MYO1D: variants seen among roughly 807,000 people sequenced by gnomAD.
MYO1D encodes myosin ID, also known as unconventional myosin-Id.
A neutral mutation model predicts 122.0 loss-of-function variants in MYO1D; 83 were observed. The ratio of observed to expected loss-of-function variants is 0.68; its 90% CI spans 0.57 to 0.82. The LOEUF is 0.82. MYO1D is among the 40% of genes least tolerant of loss of function. The probability of loss-of-function intolerance (pLI) is 0.00; values close to 1 mark genes in which losing one functional copy is unlikely to be tolerated. For missense variants in MYO1D, 1,157 were observed against 1,269.5 expected, an observed-to-expected ratio of 0.91 and a Z score of 1.35; for synonymous variants, 464 against 446.9, an observed-to-expected ratio of 1.04 and a Z score of -0.48.
At chr17:32,621,263 A>G (rs1357212919) in intron 20 of MYO1D, among the ~76,000 whole-genome samples, 2 of 152,064 alleles carry the variant, frequency 1.3e-5, no homozygotes, top group Non-Finnish European at 2.9e-5. Context: ...TGTACGTATG[A>G]GCCTCCTCAA....
chr17:32,765,954 C>G lies in MYO1D; in HGVS notation c.832-873G>C, dbSNP rs1378140064. Among the ~76,000 whole-genome samples the G allele has an allele frequency of 2.6e-5, 4 of 152,030 alleles. No homozygotes were observed. In the East Asian group the frequency reaches 5.8e-4, roughly 22 times the overall value. The stretch of plus-strand genomic sequence containing the variant: ...GCTGGAATGCAGTGGTGCACCATGG[C>G]TCACTGCAGCCTCAACGTCCCAGGC... On this transcript the variant is annotated intron_variant, in intron 7 of 21. Transcript: ENST00000318217.
At chr17:32,666,713 G>C (rs753323755) in intron 16 of MYO1D, among the ~76,000 whole-genome samples, 1 of 152,076 alleles carries the variant, frequency 6.6e-6, no homozygotes, top group Non-Finnish European at 1.5e-5. Flanking sequence ...GTTTTGTTTT[G>C]TTTTGTTTTT....
chr17:32,800,914 C>T (rs545890133), intron 1 of MYO1D, among the ~76,000 whole-genome samples: 1 of 152,074 alleles, frequency 6.6e-6, no homozygotes, highest in Admixed American at 6.5e-5. Flanking sequence ...CACAAAGAAA[C>T]GATAAATATT....
chr17:32,834,992 C>T (rs1035221583), intron 1 of MYO1D, among the ~76,000 whole-genome samples: 2 of 152,134 alleles, frequency 1.3e-5, no homozygotes, highest in Admixed American at 6.5e-5. Flanking sequence ...AGCCTGGTGA[C>T]AGAGTAAGAC....
intron 14 of MYO1D, among the ~76,000 whole-genome samples, chr17:32,732,358 A>G (rs537817630): frequency 1.4e-4 from 22 of 152,258 alleles, no homozygotes; most frequent in South Asian, 1.0e-3. Context: ...CTATGGACCA[A>G]TCAGCGCACA....
At chr17:32,616,722 TAGAA>T (rs2087773975) in intron 20 of MYO1D, among the ~76,000 whole-genome samples, 3 of 152,180 alleles carry the variant, frequency 2.0e-5, no homozygotes, top group Admixed American at 1.3e-4. Flanking sequence ...ACTCCTCCCA[TAGAA>T]AGATAGAGGT....
intron 20 of MYO1D, among the ~76,000 whole-genome samples, chr17:32,632,157 C>T (rs2088016344): frequency 6.6e-6 from 1 of 152,118 alleles, no homozygotes; most frequent in African/African-American, 2.4e-5. Context: ...TAGAATAACA[C>T]ATAACATAGA....
intron 1 of MYO1D, among the ~76,000 whole-genome samples, chr17:32,819,547 T>C (rs2090642535): frequency 6.6e-6 from 1 of 152,326 alleles, no homozygotes; most frequent in African/African-American, 2.4e-5. Flanking sequence ...TGTTTATATA[T>C]ACTTATGAAC....
intron 21 of MYO1D, among the ~76,000 whole-genome samples, chr17:32,535,844 G>A (rs1184557808): frequency 1.3e-5 from 2 of 152,178 alleles, no homozygotes; most frequent in African/African-American, 4.8e-5. Context: ...GGATCTCAGG[G>A]TGTTTTACCT....
chr17:32,525,831 G>A (rs187062599), intron 21 of MYO1D, among the ~76,000 whole-genome samples: 7 of 152,248 alleles, frequency 4.6e-5, no homozygotes, highest in Non-Finnish European at 1.0e-4. Flanking sequence ...TAACATGGAG[G>A]AGAGGCAGGG....
chr17:32,564,681 G>C (rs2150892219), intron 21 of MYO1D, among the ~76,000 whole-genome samples: 1 of 152,324 alleles, frequency 6.6e-6, no homozygotes, highest in Middle Eastern at 3.4e-3. Flanking sequence ...CGACTACAAA[G>C]TAAGTGGCAA....
chr17:32,767,896 T>C (rs1218203573), intron 6 of MYO1D, 144 bp from the exon 7 acceptor site: 1 of 593,726 alleles, frequency 1.7e-6, no homozygotes, highest in African/African-American at 1.9e-5. Flanking sequence ...AAAATAAAAA[T>C]GATTTCACGA....
intron 1 of MYO1D, among the ~76,000 whole-genome samples, chr17:32,866,006 G>A (rs2151090396): frequency 6.6e-6 from 1 of 152,244 alleles, no homozygotes. Context: ...GCTCTCTAGG[G>A]TCTCTCTTTT....
At chr17:32,847,091 C>A (rs1280147081) in intron 1 of MYO1D, among the ~76,000 whole-genome samples, 1 of 152,160 alleles carries the variant, frequency 6.6e-6, no homozygotes, top group African/African-American at 2.4e-5. Context: ...AACAAAACAA[C>A]CATTTAAAAA....
intron 21 of MYO1D, among the ~76,000 whole-genome samples, chr17:32,524,469 T>C (rs551376798): frequency 6.6e-6 from 1 of 152,236 alleles, no homozygotes; most frequent in East Asian, 1.9e-4. Context: ...CATAGCTCAC[T>C]GCAGCCTCAA....
chr17:32,595,922 G>A (rs1292039778), intron 21 of MYO1D, among the ~76,000 whole-genome samples: 1 of 152,142 alleles, frequency 6.6e-6, no homozygotes, highest in East Asian at 1.9e-4. Flanking sequence ...GGGAAGACCT[G>A]GTGAGACGAT....
chr17:32,514,792 C>G (rs1909830950), intron 21 of MYO1D, among the ~76,000 whole-genome samples: 1 of 152,206 alleles, frequency 6.6e-6, no homozygotes, highest in Non-Finnish European at 1.5e-5. Flanking sequence ...CAGCTGGCAG[C>G]AGCAGCAGGA....
intron 1 of MYO1D, among the ~76,000 whole-genome samples, chr17:32,807,304 TC>T (rs1458620626): frequency 6.6e-6 from 1 of 152,150 alleles, no homozygotes; most frequent in Non-Finnish European, 1.5e-5. Flanking sequence ...CTCTAGAGGT[TC>T]CTATTGTTAA....
intron 20 of MYO1D, among the ~76,000 whole-genome samples, chr17:32,637,205 CACAT>C (rs1011423505): frequency 1.3e-5 from 2 of 152,160 alleles, no homozygotes; most frequent in African/African-American, 4.8e-5. Context: ...AGGAACAAAA[CACAT>C]ACCACAATTA....
Sources: allele counts gnomAD v4.1 joint callset (sites outside exome capture counted in the v4.1 genomes callset), GRCh38; gene constraint gnomAD v4.1.1; transcripts MANE v1.5; gene names NCBI Gene and HGNC (gene_info 2026-07-23, HGNC 2026-07-21).